The following PDE4D variants were observed in gnomAD, a reference collection of about 807,000 sequenced individuals.
PDE4D encodes phosphodiesterase 4D.
In PDE4D, 24 loss-of-function variants were observed where a neutral mutation model predicts 87.4. The ratio of observed to expected loss-of-function variants is 0.27; its 90% CI spans 0.20 to 0.39. The LOEUF (loss-of-function observed/expected upper bound fraction) is 0.39. Ranked by LOEUF, PDE4D falls within the 10% of genes least tolerant of loss-of-function variation. PDE4D has a pLI of 1.00. For synonymous variants in PDE4D, 384 were observed against 383.2 expected, an observed-to-expected ratio of 1.00 and a Z score of -0.02; for missense variants, 714 against 1,041.0, an observed-to-expected ratio of 0.69 and a Z score of 4.32.
intron 3 of PDE4D, among the ~76,000 whole-genome samples, chr5:59,970,769 C>G (rs1360160413): frequency 8.1e-5 from 12 of 147,674 alleles, no homozygotes; most frequent in Admixed American, 2.7e-4. Flanking sequence ...GGACTGTAAA[C>G]TAGTTCAACC....
chr5:60,368,327 G>A (rs1227504186), intron 1 of PDE4D, among the ~76,000 whole-genome samples: 2 of 152,166 alleles, frequency 1.3e-5, no homozygotes, highest in African/African-American at 2.4e-5. Context: ...AGGGCACTGT[G>A]CATGAAATGG....
intron 1 of PDE4D, among the ~76,000 whole-genome samples, chr5:60,222,717 C>G (rs1295236581): frequency 6.6e-6 from 1 of 152,058 alleles, no homozygotes; most frequent in African/African-American, 2.4e-5. Context: ...AAATTTATAT[C>G]TCTCTGATGA....
intron 11 of PDE4D, among the ~76,000 whole-genome samples, chr5:58,978,777 G>GTGTT (rs1371785669): frequency 6.6e-6 from 1 of 152,098 alleles, no homozygotes; most frequent in Non-Finnish European, 1.5e-5. Flanking sequence ...TAAAACAATA[G>GTGTT]TGTTTATCTT....
intron 1 of PDE4D, among the ~76,000 whole-genome samples, chr5:59,808,831 A>G (rs1200566640): frequency 1.3e-5 from 2 of 152,084 alleles, no homozygotes; most frequent in East Asian, 3.9e-4. Flanking sequence ...TCACACCAAA[A>G]TGTACCCCAA....
chr5:59,247,617 G>C (rs1759117585), intron 1 of PDE4D, among the ~76,000 whole-genome samples: 1 of 152,074 alleles, frequency 6.6e-6, no homozygotes, highest in Non-Finnish European at 1.5e-5. Context: ...CCTTGATTAT[G>C]TAATAGGCAC....
In PDE4D at chr5:60,166,158, G is replaced by A. The variant is rs191316780; in HGVS notation, c.42+19399C>T. ...CGCCCAGGCTGGAGTGCAGTGGCAC[G>A]ATCTCAGCTCCCTGCAAGCTCCACC... On this transcript the variant is annotated intron_variant, in intron 2 of 16. Coordinates refer to the PDE4D transcript ENST00000502484. Among the ~76,000 whole-genome samples, 229 of 152,212 alleles carry A rather than the reference G, an allele frequency of 1.5e-3. 1 individual carries two copies. Among genetic ancestry groups the A allele is most frequent in the Admixed American group, 6.7e-3 (102 of 15,290 alleles).
At chr5:59,638,337 C>T (rs541738239) in intron 1 of PDE4D, among the ~76,000 whole-genome samples, 14 of 152,076 alleles carry the variant, frequency 9.2e-5, no homozygotes, top group Non-Finnish European at 2.1e-4. Context: ...ATGCAAATTG[C>T]AAAGCTAGTT....
At chr5:59,347,031 G>T (rs181041202) in intron 1 of PDE4D, among the ~76,000 whole-genome samples, 3 of 152,182 alleles carry the variant, frequency 2.0e-5, no homozygotes, top group Non-Finnish European at 4.4e-5. Context: ...CTCCACTAAA[G>T]TGGCCACTCT....
chr5:59,131,934 A>G (rs1210532871), intron 5 of PDE4D, among the ~76,000 whole-genome samples: 1 of 152,052 alleles, frequency 6.6e-6, no homozygotes, highest in Non-Finnish European at 1.5e-5. Flanking sequence ...TTAAGGATAC[A>G]TGTCTTAGTT....
chr5:60,328,100 T>C lies in PDE4D; in HGVS notation c.-89-142413A>G, dbSNP rs145631682. Among the ~76,000 whole-genome samples, 589 of 152,288 alleles carry C rather than the reference T, an allele frequency of 3.9e-3. 3 individuals carry two copies. Among genetic ancestry groups the C allele is most frequent in the African/African-American group, 0.012 (502 of 41,568 alleles). ...AACCCTCCTTATTGGGCATTAGAAT[T>C]CAGAGTCCTGGTTTTAACAAACTGT... On this transcript the variant is annotated intron_variant, in intron 1 of 16. Transcript: ENST00000502484.
At chr5:59,697,583 C>G (rs1038485541) in intron 1 of PDE4D, among the ~76,000 whole-genome samples, 1 of 152,184 alleles carries the variant, frequency 6.6e-6, no homozygotes, top group African/African-American at 2.4e-5. Context: ...TTTCACTATG[C>G]TCATTTAACA....
chr5:59,989,115 T>TATATATATATAC (rs1457167328), intron 2 of PDE4D, among the ~76,000 whole-genome samples: 2 of 73,988 alleles, frequency 2.7e-5, no homozygotes, highest in African/African-American at 3.4e-5. Context: ...TATATATATA[T>TATATATATATAC]ACACACACAC....
At chr5:58,983,305 G>A (rs960477951) in intron 11 of PDE4D, among the ~76,000 whole-genome samples, 5 of 152,250 alleles carry the variant, frequency 3.3e-5, no homozygotes, top group African/African-American at 1.2e-4. Flanking sequence ...AAAGAAGGCA[G>A]TGTAATTAAT....
intron 6 of PDE4D, among the ~76,000 whole-genome samples, chr5:59,021,181 G>T (rs889134580): frequency 1.5e-4 from 23 of 152,148 alleles, no homozygotes; most frequent in African/African-American, 5.3e-4. Flanking sequence ...AGACCTACAG[G>T]AGACCCTCTC....
At chr5:59,633,933 C>T (rs1440229391) in intron 1 of PDE4D, among the ~76,000 whole-genome samples, 3 of 152,088 alleles carry the variant, frequency 2.0e-5, no homozygotes, top group East Asian at 3.8e-4. Flanking sequence ...AATTAAATGG[C>T]ACAGGCTGGC....
At chr5:59,011,308 G>A (rs1422737362) in intron 6 of PDE4D, among the ~76,000 whole-genome samples, 2 of 152,198 alleles carry the variant, frequency 1.3e-5, no homozygotes, top group Non-Finnish European at 2.9e-5. Flanking sequence ...TTGACAAGCT[G>A]AGAGAAGAAG....
chr5:60,343,256 C>T (rs756969132), intron 1 of PDE4D, among the ~76,000 whole-genome samples: 5 of 152,058 alleles, frequency 3.3e-5, no homozygotes, highest in Admixed American at 1.3e-4. Flanking sequence ...ATGTAATCAA[C>T]GCAGGGTAGA....
chr5:59,836,377 A>G (rs1489942234), intron 1 of PDE4D, among the ~76,000 whole-genome samples: 1 of 152,096 alleles, frequency 6.6e-6, no homozygotes, highest in African/African-American at 2.4e-5. Flanking sequence ...AGAATTTACA[A>G]TAATAAAATA....
rs796320160 is a variant in PDE4D, at chr5:59,247,570, G to A, written c.456-31602C>T. ...TTTACTGGTGAACTTTTTAAAAATG[G>A]AAATAGAATGTAGGCTTCATATGTT... On this transcript the variant is annotated intron_variant, in intron 1 of 14. Transcript: ENST00000340635. Among the ~76,000 whole-genome samples, 25 of 152,202 alleles carry A rather than the reference G, an allele frequency of 1.6e-4. 1 individual carries two copies. Among genetic ancestry groups the A allele is most frequent in the African/African-American group, 5.5e-4 (23 of 41,540 alleles).
Sources: allele counts gnomAD v4.1 joint callset (sites outside exome capture counted in the v4.1 genomes callset), GRCh38; gene constraint gnomAD v4.1.1; transcripts MANE v1.5; gene names NCBI Gene and HGNC (gene_info 2026-07-23, HGNC 2026-07-21).